Variants in SLC38A10 observed in about 807,000 individuals in gnomAD.
The protein encoded by SLC38A10 is solute carrier family 38 member 10.
Under a neutral mutation model 81.0 loss-of-function variants are expected in SLC38A10, and 53 were observed. The ratio of observed to expected loss-of-function variants is 0.65; its 90% CI spans 0.53 to 0.82. The LOEUF is 0.82. Among genes scored for constraint, SLC38A10 ranks in the 40% least tolerant of loss-of-function variants. The pLI is 0.00. For synonymous variants in SLC38A10, 665 were observed against 655.3 expected (o/e 1.01, Z -0.23); for missense variants, 1,471 against 1,545.0 (o/e 0.95, Z 0.80).
chr17:81,256,796 C>T (rs925336082), intron 11 of SLC38A10, among the ~76,000 whole-genome samples: 2 of 152,248 alleles, frequency 1.3e-5, no homozygotes, highest in Non-Finnish European at 2.9e-5. Context: ...ATCTTGAGCA[C>T]ACAGCTGACC....
intron 10 of SLC38A10, chr17:81,264,103 G>C (rs921167425): frequency 1.3e-5 from 2 of 152,344 alleles, no homozygotes; most frequent in Non-Finnish European, 2.9e-5. Flanking sequence ...GTGTGACATA[G>C]ACAAGGGAAC....
intron 9 of SLC38A10, among the ~76,000 whole-genome samples, chr17:81,271,265 C>A (rs2063113350): frequency 6.6e-6 from 1 of 152,234 alleles, no homozygotes; most frequent in East Asian, 1.9e-4. Flanking sequence ...AAGAGTCAGA[C>A]ACTAGGGACC....
chr17:81,283,534 ATC>A lies in SLC38A10; in HGVS notation c.264-34_264-33del. ...AGGGACGGGGGGTACGGGAAATGCC[ATC>A]AGGGCAAGCTGGCACACACCTGGGC... On this transcript the variant is annotated intron_variant, in intron 3 of 15. Transcript: ENST00000374759. The surrounding 1 kb of genome is among the most constrained non-coding windows in gnomAD (Gnocchi z 4.7). 2.5e-6 allele frequency: 4 copies of A among 1,577,740 alleles called. No individual in the cohort carries two copies. The highest frequency in any genetic ancestry group is 3.5e-6 in the Non-Finnish European group (4 of 1,156,854).
intron 10 of SLC38A10, among the ~76,000 whole-genome samples, chr17:81,268,178 G>A (rs1411937894): frequency 6.6e-6 from 1 of 151,894 alleles, no homozygotes; most frequent in Non-Finnish European, 1.5e-5. Context: ...CAGAAGGGCT[G>A]TACCCTAGGA....
chr17:81,261,843 C>A (rs1203424848), intron 10 of SLC38A10, among the ~76,000 whole-genome samples: 3 of 152,242 alleles, frequency 2.0e-5, no homozygotes, highest in Non-Finnish European at 4.4e-5. Context: ...GCGGTGACGG[C>A]AGGCCTGCCC....
chr17:81,253,813 GTCACCA>G lies in SLC38A10; in HGVS notation c.1289-579_1289-574del. Among the ~76,000 whole-genome samples, 1 of 112,350 alleles carries G rather than the reference GTCACCA, an allele frequency of 8.9e-6. No homozygotes were observed. The highest frequency in any genetic ancestry group is 3.6e-5 in the African/African-American group (1 of 27,416). 73.7% of individuals were successfully genotyped at this position (112,350 alleles called of 152,430 possible). On this transcript the variant is annotated intron_variant, in intron 11 of 15. Coordinates refer to ENST00000374759, the MANE Select transcript of SLC38A10 (RefSeq NM_001037984.3). The surrounding 1 kb of genome is among the most constrained non-coding windows in gnomAD (Gnocchi z 4.1). Reference sequence around the variant, plus strand: ...TACCACCATCACCATCATCATCACCGTCACCATCATCACCATCACCGCTATCATCAC... The same window carrying G: ...TACCACCATCACCATCATCATCACCGTCATCACCATCACCGCTATCATCAC...
rs76205125 is a variant in SLC38A10 at position 81,278,860 on chromosome 17, G to C, written c.627-1727C>G. On this transcript the variant is annotated intron_variant, in intron 6 of 15. Coordinates refer to ENST00000374759, the MANE Select transcript of SLC38A10 (RefSeq NM_001037984.3). ...GACACTGTGGGAAGGGGTGTCCCAC[G>C]CACACGGGGTGGCCAGGGTGGAAGG... is the stretch of plus-strand genomic sequence containing the variant. 9.7e-3 allele frequency among the ~76,000 whole-genome samples: 1,478 copies of C among 152,256 alleles called. 8 individuals carry two copies. Among genetic ancestry groups the C allele is most frequent in the Non-Finnish European group, 0.013 (885 of 67,994 alleles).
chr17:81,267,252 C>T (rs548336312), intron 10 of SLC38A10, among the ~76,000 whole-genome samples: 10 of 152,216 alleles, frequency 6.6e-5, no homozygotes, highest in African/African-American at 2.2e-4. Context: ...TAGAAATAAA[C>T]TGAGGATACA....
Position 81,253,214 on chromosome 17 carries a change from C to G in SLC38A10, c.1315G>C (p.Glu439Gln). ...SAQDPVVAVA[E>Q]DGREKPKLPK... ...AGCTTCGGCTTCTCCCGGCCATCCT[C>G]AGCCACGGCCACAACCGGATCCTGG... Residue 439 changes from glutamate to glutamine, a missense_variant, in exon 12 of 16, where the codon GAG becomes CAG. This residue lies in a region of SLC38A10 where 720 missense variants were observed against 827.7 expected (regional missense o/e 0.87). Transcript: ENST00000374759. This position sits in a 1 kb window ranked among gnomAD's most constrained non-coding sequence, Gnocchi z 4.1. 6.2e-7 allele frequency: 1 copy of G among 1,613,658 alleles called. No individual in the cohort carries two copies. Among genetic ancestry groups the G allele is most frequent in the Non-Finnish European group, 8.5e-7 (1 of 1,180,044 alleles).
intron 13 of SLC38A10, 67 bp from the exon 14 acceptor site, chr17:81,251,679 G>A: frequency 7.0e-7 from 1 of 1,429,276 alleles, no homozygotes; most frequent in East Asian, 2.5e-5. Context: ...GGGGTTGGGG[G>A]ACAGAAGGCA....
rs989181582 is a variant in SLC38A10 at position 81,288,540 on chromosome 17, C to A, written c.217+1151G>T. Among the ~76,000 whole-genome samples, 1 of 152,174 alleles carries A rather than the reference C, an allele frequency of 6.6e-6. No individual in the cohort carries two copies. Among genetic ancestry groups the A allele is most frequent in the Non-Finnish European group, 1.5e-5 (1 of 68,026 alleles). On this transcript the variant is annotated intron_variant, in intron 2 of 15. Transcript: ENST00000374759. This position sits in a 1 kb window ranked among gnomAD's most constrained non-coding sequence, Gnocchi z 5.4. ...GAGCCTGTGGCGGGCAGGGAGACAG[C>A]GCGGGCCACACAGCCTGTGGGCAGA...
Position 81,265,257 on chromosome 17 carries a change from G to T in SLC38A10, c.1132-4863C>A. ...AAATTAGCCAGGTGTGGTGGCGCAC[G>T]CCTGTAATCCCAGCTACTCGGGAGG... On this transcript the variant is annotated intron_variant, in intron 10 of 15. Transcript: ENST00000374759. The surrounding 1 kb of genome is among the most constrained non-coding windows in gnomAD (Gnocchi z 4.2). The T allele has an allele frequency of 6.6e-6, 1 of 152,420 alleles. No individual in the cohort carries two copies. The highest frequency in any genetic ancestry group is 1.5e-5 in the Non-Finnish European group (1 of 68,140). 9.4% of individuals were successfully genotyped at this position (152,420 alleles called of 1,614,324 possible).
chr17:81,276,073 T>C lies in SLC38A10; in HGVS notation c.808A>G (p.Thr270Ala), dbSNP rs1265322698. ...ATGAAGCCCACACGGAGCATCTCCG[T>C]CACCAGGTTGGAGGGAAAGTGCATG... ...VLMHFPSNLV[T>A]EMLRVGFMMS... The change falls in exon 8 of 16, where the codon ACG (threonine) becomes GCG (alanine). Residue 270 changes from threonine (T) to alanine (A), a missense_variant. Physicochemically the swap from Thr to Ala is moderately conservative, Grantham distance 58 (BLOSUM62 0). This residue lies in a region of SLC38A10 where 720 missense variants were observed against 827.7 expected (regional missense o/e 0.87). Transcript: ENST00000374759. This position sits in a 1 kb window ranked among gnomAD's most constrained non-coding sequence, Gnocchi z 4.7. The C allele has an allele frequency of 6.2e-7, 1 of 1,613,752 alleles. No homozygotes were observed. Among genetic ancestry groups the C allele is most frequent in the East Asian group, 2.2e-5 (1 of 44,878 alleles).
chr17:81,280,515 C>T lies in SLC38A10; in HGVS notation c.626+94G>A, dbSNP rs184940477. 809 of 1,530,050 alleles carry T rather than the reference C, an allele frequency of 5.3e-4. 2 individuals carry two copies. In the African/African-American group the frequency reaches 9.4e-3, roughly 18 times the overall value. The allele number at this position is 1,530,050 out of a possible 1,614,324, so 94.8% of individuals were successfully genotyped here. A position where few individuals can be genotyped will look rare whatever the true frequency, so the allele number is the denominator to read the frequency against. ...TCACTCTTTAGCAGCCAGCAAAGAG[C>T]GATCACAGTAAACGAGAAAGAGAGG... On this transcript the variant is annotated intron_variant, in intron 6 of 15. Transcript: ENST00000374759.
Position 81,282,169 on chromosome 17 carries a change from C to T in SLC38A10, c.501+20G>A, listed in dbSNP as rs756259556. 27 of 1,612,198 alleles carry T rather than the reference C, an allele frequency of 1.7e-5. No homozygotes were observed. In the Admixed American group the frequency reaches 4.5e-4, roughly 27 times the overall value. On this transcript the variant is annotated intron_variant, in intron 5 of 15. Transcript: ENST00000374759. ...CAGGAGCAGCCTTTCAGCGGGTACC[C>T]ACGCGCGCTGCCGACTCACCACGAA...
chr17:81,280,218 G>GC, intron 6 of SLC38A10: 1 of 431,238 alleles, frequency 2.3e-6, no homozygotes, highest in South Asian at 1.7e-5. Context: ...AATGCATCCA[G>GC]CAGCCGTCTG....
chr17:81,290,316 T>C (rs1452215168), intron 1 of SLC38A10, among the ~76,000 whole-genome samples: 1 of 152,206 alleles, frequency 6.6e-6, no homozygotes, highest in East Asian at 1.9e-4. Context: ...ATGCCAATGT[T>C]TACAGCAGGT....
At chr17:81,261,928 G>C (rs111424836) in intron 10 of SLC38A10, among the ~76,000 whole-genome samples, 4 of 152,200 alleles carry the variant, frequency 2.6e-5, no homozygotes, top group African/African-American at 9.7e-5. Flanking sequence ...ACGGCCCACA[G>C]AGCTCTGCCC....
chr17:81,253,363 G>C lies in SLC38A10; in HGVS notation c.1289-123C>G, dbSNP rs940990368. On this transcript the variant is annotated intron_variant, in intron 11 of 15. Transcript: ENST00000374759. The surrounding 1 kb of genome is among the most constrained non-coding windows in gnomAD (Gnocchi z 4.1). ...AGAGTCAAAGCAGTTTCTTTTTCCT[G>C]TTCGATCATTAGCAGCTAAGTAGCA... The C allele has an allele frequency of 8.3e-7, 1 of 1,203,818 alleles. No individual in the cohort carries two copies. Among genetic ancestry groups the C allele is most frequent in the African/African-American group, 1.5e-5 (1 of 65,432 alleles). 74.6% of individuals were successfully genotyped at this position (1,203,818 alleles called of 1,614,324 possible). A position where few individuals can be genotyped will look rare whatever the true frequency, so the allele number is the denominator to read the frequency against.
Sources: allele counts gnomAD v4.1 joint callset (sites outside exome capture counted in the v4.1 genomes callset), GRCh38; gene constraint gnomAD v4.1.1; regional missense constraint gnomAD v4.1.1; non-coding constraint Gnocchi (gnomAD v3.1); transcripts MANE v1.5; gene names NCBI Gene and HGNC (gene_info 2026-07-23, HGNC 2026-07-21).